The following ANXA7 variants were observed in gnomAD, a reference collection of about 807,000 sequenced individuals.
ANXA7 encodes the protein annexin VII.
In ANXA7, 55 loss-of-function variants were observed where a neutral mutation model predicts 64.9. The observed-to-expected ratio is 0.85, with a 90% CI of 0.68 to 1.06. The LOEUF is 1.06. Ranked by LOEUF, ANXA7 falls within the 50% of genes least tolerant of loss-of-function variation. The pLI, the probability that ANXA7 is intolerant of heterozygous loss-of-function variation, is 0.00. For synonymous variants in ANXA7, 200 were observed against 192.4 expected, an observed-to-expected ratio of 1.04 and a Z score of -0.33; for missense variants, 548 against 582.1, an observed-to-expected ratio of 0.94 and a Z score of 0.60.
At chr10:73,378,450 A>G (rs1228201801) in intron 12 of ANXA7, among the ~76,000 whole-genome samples, 1 of 151,964 alleles carries the variant, frequency 6.6e-6, no homozygotes, top group Non-Finnish European at 1.5e-5. Context: ...AAGTGGAGTA[A>G]ATATATAAAG....
intron 5 of ANXA7, among the ~76,000 whole-genome samples, chr10:73,393,798 G>A (rs962420620): frequency 2.6e-5 from 4 of 152,090 alleles, no homozygotes; most frequent in Non-Finnish European, 4.4e-5. Flanking sequence ...CATAAGCATC[G>A]GCAAGGACTT....
intron 5 of ANXA7, among the ~76,000 whole-genome samples, chr10:73,390,709 TATATATATATAAAA>T (rs1424670385): frequency 0.013 from 1,552 of 117,510 alleles, 44 homozygotes; most frequent in African/African-American, 0.051. Flanking sequence ...TATATATATA[TATATATATATAAAA>T]ATATATATAT....
chr10:73,380,433 T>G (rs889482762), intron 9 of ANXA7, among the ~76,000 whole-genome samples: 1 of 151,886 alleles, frequency 6.6e-6, no homozygotes, highest in African/African-American at 2.4e-5. Context: ...CCATGCCTGG[T>G]TAATTTTTTT....
At chr10:73,380,681 T>C (rs2055261755) in intron 9 of ANXA7, among the ~76,000 whole-genome samples, 1 of 152,216 alleles carries the variant, frequency 6.6e-6, no homozygotes, top group South Asian at 2.1e-4. Context: ...AACTGGATTT[T>C]ATAATATAAG....
At chr10:73,394,727 G>T (rs1564528351) in intron 5 of ANXA7, among the ~76,000 whole-genome samples, 1 of 152,118 alleles carries the variant, frequency 6.6e-6, no homozygotes, top group Non-Finnish European at 1.5e-5. Flanking sequence ...GGGGTGGTGG[G>T]GAGGGATAGC....
intron 9 of ANXA7, chr10:73,381,377 C>T (rs1327007776): frequency 6.6e-6 from 1 of 152,160 alleles, no homozygotes; most frequent in Non-Finnish European, 1.5e-5. Flanking sequence ...AGAGTTTAAG[C>T]TTAATGAGCA....
intron 2 of ANXA7, among the ~76,000 whole-genome samples, chr10:73,398,855 T>C (rs1369353844): frequency 6.6e-6 from 1 of 152,088 alleles, no homozygotes; most frequent in Non-Finnish European, 1.5e-5. Flanking sequence ...GATGTGACAT[T>C]TTGGACTTCA....
Position 73,412,499 on chromosome 10 carries a change from GT to G in ANXA7, c.-2+1512del, listed in dbSNP as rs575394324. On this transcript the variant is annotated intron_variant, in intron 1 of 12. Coordinates refer to ENST00000372921, the MANE Select transcript of ANXA7 (RefSeq NM_001156.5). ...GAATAGTAAGTCTAGAGTTTTTTGG[GT>G]TTTTTTTTTTTTTGTGACAGAGTTT... is the stretch of plus-strand genomic sequence containing the variant. 5.4e-3 allele frequency among the ~76,000 whole-genome samples: 762 copies of G among 140,548 alleles called. 6 individuals are homozygous for G. The highest frequency in any genetic ancestry group is 0.016 in the African/African-American group (636 of 38,606). The allele number at this position is 140,548 out of a possible 152,430, so 92.2% of individuals were successfully genotyped here.
At chr10:73,395,786 C>CAAAA in intron 5 of ANXA7, 13 of 422,830 alleles carry the variant, frequency 3.1e-5, no homozygotes, top group South Asian at 3.7e-5. Context: ...AACTCCATCT[C>CAAAA]AAAAAAAAAA....
In ANXA7 at chr10:73,383,174, C is replaced by T. The variant is rs772192395; in HGVS notation, c.918+1G>A. The T allele has an allele frequency of 1.2e-6, 2 of 1,611,234 alleles. No homozygotes were observed. Among genetic ancestry groups the T allele is most frequent in the East Asian group, 2.2e-5 (1 of 44,836 alleles). On this transcript the variant is annotated splice_donor_variant, in intron 9 of 12. Transcript: ENST00000372921. LOFTEE classifies it high-confidence loss of function. Reference sequence around the variant, plus strand: ...CGCACAAGCATTCATACTATACTCACCTGGCACATGGACACAAGTAAACGT... The same window carrying T: ...CGCACAAGCATTCATACTATACTCATCTGGCACATGGACACAAGTAAACGT...
chr10:73,386,121 C>T (rs1159977465), intron 7 of ANXA7, among the ~76,000 whole-genome samples: 2 of 149,202 alleles, frequency 1.3e-5, no homozygotes, highest in Non-Finnish European at 3.0e-5. Flanking sequence ...GGCTGAGGCA[C>T]GAAAATCGCT....
At chr10:73,388,278 C>G in intron 6 of ANXA7, 34 bp downstream of exon 6, 1 of 1,508,162 alleles carries the variant, frequency 6.6e-7, no homozygotes, top group Non-Finnish European at 9.2e-7. Context: ...ATTACTTTAA[C>G]TTATTAAAAA....
chr10:73,407,085 T>C (rs905001583), intron 1 of ANXA7, among the ~76,000 whole-genome samples: 1 of 152,168 alleles, frequency 6.6e-6, no homozygotes, highest in African/African-American at 2.4e-5. Context: ...TGTTTCTCAA[T>C]GTTTTCTTTT....
rs957875328 is a variant in ANXA7, at chr10:73,376,001, T to C, written c.*94A>G. The C allele has an allele frequency of 1.8e-6, 2 of 1,092,290 alleles. No homozygotes were observed. Among genetic ancestry groups the C allele is most frequent in the African/African-American group, 1.6e-5 (1 of 62,158 alleles). 67.7% of individuals were successfully genotyped at this position (1,092,290 alleles called of 1,614,324 possible). On this transcript the variant is annotated 3_prime_UTR_variant, in exon 13 of 13. Coordinates refer to ENST00000372921, the MANE Select transcript of ANXA7 (RefSeq NM_001156.5). ...GTCCTTGACAGAAAGCTCTTTCGGT[T>C]AGCTGATGTTTGATATTGCTGCATG...
chr10:73,391,820 C>T (rs2055487831), intron 5 of ANXA7, among the ~76,000 whole-genome samples: 1 of 152,124 alleles, frequency 6.6e-6, no homozygotes, highest in South Asian at 2.1e-4. Flanking sequence ...GAAGCTCACC[C>T]CTCACAGGGT....
In ANXA7 at chr10:73,379,955, C is replaced by G. The variant is rs776208513; in HGVS notation, c.1090-1G>C. 6.2e-7 allele frequency: 1 copy of G among 1,613,486 alleles called. No homozygotes were observed. Among genetic ancestry groups the G allele is most frequent in the African/African-American group, 1.3e-5 (1 of 74,870 alleles). ...TGCTTAACAAGTCTCGATTAGCCAT[C>G]TGCAAACAAAATTAAAGGGTTAAAT... On this transcript the variant is annotated splice_acceptor_variant, in intron 10 of 12. Coordinates refer to ENST00000372921, the MANE Select transcript of ANXA7 (RefSeq NM_001156.5). LOFTEE classifies it high-confidence loss of function.
intron 1 of ANXA7, among the ~76,000 whole-genome samples, chr10:73,411,698 C>A (rs561838802): frequency 1.3e-5 from 2 of 152,210 alleles, no homozygotes; most frequent in East Asian, 3.9e-4. Context: ...TCCCAAAGTG[C>A]TGGGATTACA....
intron 9 of ANXA7, 55 bp from the exon 10 acceptor site, chr10:73,380,256 T>A: frequency 6.5e-7 from 1 of 1,548,172 alleles, no homozygotes; most frequent in African/African-American, 1.4e-5. Context: ...CTACTAAATT[T>A]TTTTTTTCCA....
chr10:73,388,240 G>T, intron 6 of ANXA7, 72 bp downstream of exon 6: 2 of 1,160,948 alleles, frequency 1.7e-6, no homozygotes, highest in Non-Finnish European at 2.6e-6. Flanking sequence ...GGGTTTATGA[G>T]ATAAGGTTTA....
Sources: allele counts gnomAD v4.1 joint callset (sites outside exome capture counted in the v4.1 genomes callset), GRCh38; gene constraint gnomAD v4.1.1; transcripts MANE v1.5; gene names NCBI Gene and HGNC (gene_info 2026-07-23, HGNC 2026-07-21).